The following TWIST2 variants were observed in gnomAD, a reference collection of about 807,000 sequenced individuals.
TWIST2 encodes twist family bHLH transcription factor 2.
Under a neutral mutation model 11.6 loss-of-function variants are expected in TWIST2, and 1 was observed. The ratio of observed to expected loss-of-function variants is 0.09; its 90% CI spans 0.03 to 0.41. The LOEUF (loss-of-function observed/expected upper bound fraction) is 0.41, where lower values mean the gene tolerates loss of function less well. Ranked by LOEUF, TWIST2 falls within the 10% of genes least tolerant of loss-of-function variation. The pLI is 0.98. For missense variants in TWIST2, 168 were observed against 226.4 expected, an observed-to-expected ratio of 0.74 and a Z score of 1.66; for synonymous variants, 87 against 96.6, an observed-to-expected ratio of 0.90 and a Z score of 0.58.
intron 1 of TWIST2, among the ~76,000 whole-genome samples, chr2:238,875,403 C>T (rs1422899603): frequency 6.6e-6 from 1 of 152,118 alleles, no homozygotes; most frequent in Non-Finnish European, 1.5e-5. Flanking sequence ...ACTGAGCTTC[C>T]AGCAGCTTTC....
chr2:238,853,322 G>C (rs1250691689), intron 1 of TWIST2, among the ~76,000 whole-genome samples: 1 of 151,842 alleles, frequency 6.6e-6, no homozygotes, highest in Admixed American at 6.6e-5. Flanking sequence ...TATAGAGATT[G>C]AAGTTTTAGT....
intron 1 of TWIST2, among the ~76,000 whole-genome samples, chr2:238,891,599 A>AG (rs376552518): frequency 2.0e-5 from 3 of 152,072 alleles, no homozygotes; most frequent in African/African-American, 7.2e-5. Flanking sequence ...GCATGTGAAC[A>AG]GGGGGACGGT....
rs1201679865 is a variant in TWIST2, at chr2:238,866,771, G to A, written c.*35+18038G>A. 2.0e-5 allele frequency among the ~76,000 whole-genome samples: 3 copies of A among 152,182 alleles called. No homozygotes were observed. Among genetic ancestry groups the A allele is most frequent in the Non-Finnish European group, 4.4e-5 (3 of 68,040 alleles). On this transcript the variant is annotated intron_variant, in intron 1 of 1. Coordinates refer to ENST00000612363, the MANE Select transcript of TWIST2 (RefSeq NM_001271893.4). The surrounding 1 kb of genome is among the most constrained non-coding windows in gnomAD (Gnocchi z 4.9). ...CTACCTCCAGTGTCCCCTCCTTGGG[G>A]AGCCTCTAACCACCCTGCTGGCATT...
chr2:238,904,434 G>C (rs1235795280), intron 1 of TWIST2, among the ~76,000 whole-genome samples: 2 of 151,608 alleles, frequency 1.3e-5, no homozygotes, highest in Non-Finnish European at 2.9e-5. Flanking sequence ...TGTGGGGTGT[G>C]TGTGATGTGG....
chr2:238,858,989 A>T (rs566276949), intron 1 of TWIST2, among the ~76,000 whole-genome samples: 140 of 152,292 alleles, frequency 9.2e-4, no homozygotes, highest in African/African-American at 3.3e-3. Context: ...AGGCGGGTGG[A>T]TCACCTGAGG....
chr2:238,889,025 G>C lies in TWIST2; in HGVS notation c.*36-20817G>C, dbSNP rs540785959. 5.6e-4 allele frequency among the ~76,000 whole-genome samples: 86 copies of C among 152,276 alleles called. 1 individual carries two copies. The highest frequency in any genetic ancestry group is 1.2e-3 in the Admixed American group (19 of 15,304). On this transcript the variant is annotated intron_variant, in intron 1 of 1. Coordinates refer to ENST00000612363, the MANE Select transcript of TWIST2 (RefSeq NM_001271893.4). ...TTAAAAAAATTCCAGTGTCATCCTT[G>C]GGTCTGTCCTGGTCACACATTCCCA...
In TWIST2 at chr2:238,865,690, C is replaced by CTT. The variant is rs376708742; in HGVS notation, c.*35+16970_*35+16971dup. ...AGCTGTGCCATCTGGTCTTTTGGAA[C>CTT]TTTTTTTTTTTTTTGCTGTGGCATT... On this transcript the variant is annotated intron_variant, in intron 1 of 1. Coordinates refer to ENST00000612363, the MANE Select transcript of TWIST2 (RefSeq NM_001271893.4). Among the ~76,000 whole-genome samples, 465 of 147,050 alleles carry CTT rather than the reference C, an allele frequency of 3.2e-3. 2 individuals are homozygous for CTT. The highest frequency in any genetic ancestry group is 0.011 in the African/African-American group (438 of 40,070).
At chr2:238,893,926 C>T (rs1693178225) in intron 1 of TWIST2, among the ~76,000 whole-genome samples, 1 of 152,132 alleles carries the variant, frequency 6.6e-6, no homozygotes, top group Non-Finnish European at 1.5e-5. Flanking sequence ...CCAGCCCTCC[C>T]TTGACACCCC....
intron 1 of TWIST2, among the ~76,000 whole-genome samples, chr2:238,870,566 CA>C (rs1692658722): frequency 1.0e-5 from 1 of 95,490 alleles, no homozygotes; most frequent in Non-Finnish European, 2.1e-5. Context: ...ACACACCACA[CA>C]CCACACACCA....
intron 1 of TWIST2, among the ~76,000 whole-genome samples, chr2:238,902,985 GTGATGGGTATGTGCGTGA>G (rs1693294255): frequency 8.8e-4 from 36 of 40,772 alleles, no homozygotes; most frequent in Non-Finnish European, 1.2e-3. Flanking sequence ...ATGTGGGTGT[GTGATGGGTATGTGCGTGA>G]TGTGAGGTGT....
chr2:238,852,916 G>C (rs1219704999), intron 1 of TWIST2, among the ~76,000 whole-genome samples: 2 of 152,138 alleles, frequency 1.3e-5, no homozygotes, highest in African/African-American at 2.4e-5. Flanking sequence ...TATATATTTA[G>C]ATAAGCAAAT....
intron 1 of TWIST2, among the ~76,000 whole-genome samples, chr2:238,859,458 G>A (rs1291148665): frequency 1.3e-5 from 2 of 151,794 alleles, no homozygotes; most frequent in Admixed American, 6.6e-5. Flanking sequence ...AATACAAAAC[G>A]CTCCAGAACT....
intron 1 of TWIST2, among the ~76,000 whole-genome samples, chr2:238,857,655 G>A (rs1224799455): frequency 6.6e-6 from 1 of 151,902 alleles, no homozygotes; most frequent in African/African-American, 2.4e-5. Context: ...ATTACATTGA[G>A]GCTGGGCGCA....
intron 1 of TWIST2, among the ~76,000 whole-genome samples, chr2:238,880,876 A>T (rs1692910244): frequency 9.3e-6 from 1 of 107,678 alleles, no homozygotes. Flanking sequence ...TGTTATTGTT[A>T]GTGTTAGTGT....
At chr2:238,909,586 G>A (rs1192459449) in intron 1 of TWIST2, among the ~76,000 whole-genome samples, 2 of 152,118 alleles carry the variant, frequency 1.3e-5, no homozygotes, top group African/African-American at 2.4e-5. Flanking sequence ...AAGGGCACTC[G>A]GGGGCAGGAA....
At chr2:238,896,346 C>T (rs1693207307) in intron 1 of TWIST2, among the ~76,000 whole-genome samples, 1 of 152,224 alleles carries the variant, frequency 6.6e-6, no homozygotes, top group African/African-American at 2.4e-5. Flanking sequence ...CCACTGTCCC[C>T]AGGGCCACCA....
intron 1 of TWIST2, among the ~76,000 whole-genome samples, chr2:238,903,534 GGT>G (rs1164868087): frequency 2.9e-4 from 32 of 111,632 alleles, no homozygotes; most frequent in South Asian, 1.3e-3. Context: ...TCTAATGTGA[GGT>G]GTGTGTGGGT....
intron 1 of TWIST2, among the ~76,000 whole-genome samples, chr2:238,892,016 A>T (rs1693142658): frequency 6.6e-6 from 1 of 152,122 alleles, no homozygotes; most frequent in Non-Finnish European, 1.5e-5. Context: ...CTTCCTCTTC[A>T]GCATGTGCTT....
intron 1 of TWIST2, among the ~76,000 whole-genome samples, chr2:238,872,468 G>A (rs892456814): frequency 5.9e-5 from 9 of 152,162 alleles, no homozygotes; most frequent in African/African-American, 1.9e-4. Flanking sequence ...ATTGGGTCCT[G>A]TTGAGTGTCT....
Sources: allele counts gnomAD v4.1 joint callset (sites outside exome capture counted in the v4.1 genomes callset), GRCh38; gene constraint gnomAD v4.1.1; non-coding constraint Gnocchi (gnomAD v3.1); transcripts MANE v1.5; gene names NCBI Gene and HGNC (gene_info 2026-07-23, HGNC 2026-07-21).